Variants in CYTH4 observed in about 807,000 individuals in gnomAD.
The protein encoded by CYTH4 is cytohesin 4, also known as cytohesin-4.
CYTH4 carries 22 observed loss-of-function variants against 57.5 expected under a neutral mutation model. That is an observed-to-expected ratio of 0.38 (90% CI 0.27 to 0.55). CYTH4 has a LOEUF of 0.55. CYTH4 is among the 20% of genes least tolerant of loss of function. The probability of loss-of-function intolerance (pLI) is 0.74; values close to 1 mark genes in which losing one functional copy is unlikely to be tolerated. For synonymous variants in CYTH4, 186 were observed against 206.5 expected, an observed-to-expected ratio of 0.90 and a Z score of 0.85; for missense variants, 420 against 535.6, an observed-to-expected ratio of 0.78 and a Z score of 2.13.
chr22:37,286,279 G>T (rs950569999), intron 1 of CYTH4, among the ~76,000 whole-genome samples: 1 of 152,230 alleles, frequency 6.6e-6, no homozygotes, highest in African/African-American at 2.4e-5. Flanking sequence ...GATGGACCCA[G>T]ATGTGAATCC....
chr22:37,292,511 G>C (rs1165986585), intron 1 of CYTH4, 110 bp from the exon 2 acceptor site: 4 of 1,113,174 alleles, frequency 3.6e-6, no homozygotes, highest in Non-Finnish European at 5.3e-6. Flanking sequence ...GTGGGCCTCT[G>C]TGAATAGGGC....
At chr22:37,300,106 G>A (rs1249562652) in intron 6 of CYTH4, 1 of 717,558 alleles carries the variant, frequency 1.4e-6, no homozygotes, top group African/African-American at 1.7e-5. Context: ...TTTAAAACTG[G>A]TCCACAGTGA....
chr22:37,282,958 G>A (rs544534307), intron 1 of CYTH4, among the ~76,000 whole-genome samples: 1 of 152,322 alleles, frequency 6.6e-6, no homozygotes, highest in African/African-American at 2.4e-5. Flanking sequence ...GTCTGATGAG[G>A]GACCTGAGGA....
Position 37,313,598 on chromosome 22 carries a change from C to A in CYTH4, c.*87C>A. ...GAGACCCACCTCCCACCCCAGTGCA[C>A]TCTTTTGGGCCACAGACATCATTGC... is the stretch of plus-strand genomic sequence containing the variant. On this transcript the variant is annotated 3_prime_UTR_variant, in exon 13 of 13. Coordinates refer to ENST00000248901, the MANE Select transcript of CYTH4 (RefSeq NM_013385.5). The A allele has an allele frequency of 8.4e-7, 1 of 1,195,012 alleles. No homozygotes were observed. 74.0% of individuals were successfully genotyped at this position (1,195,012 alleles called of 1,614,324 possible). A position where few individuals can be genotyped will look rare whatever the true frequency, so the allele number is the denominator to read the frequency against.
intron 8 of CYTH4, chr22:37,304,283 C>A (rs1226893709): frequency 2.2e-6 from 1 of 456,352 alleles, no homozygotes; most frequent in Non-Finnish European, 4.4e-6. Context: ...CCAGTGTGGC[C>A]GAGGTGTGGT....
intron 1 of CYTH4, 39 bp from the exon 2 acceptor site, chr22:37,292,582 G>A (rs1382850308): frequency 2.5e-6 from 4 of 1,606,632 alleles, no homozygotes; most frequent in Non-Finnish European, 3.4e-6. Context: ...GGGTGTGGCT[G>A]GAGCCAAGTG....
intron 8 of CYTH4, among the ~76,000 whole-genome samples, chr22:37,308,248 C>T (rs1189486717): frequency 2.6e-5 from 4 of 152,244 alleles, no homozygotes; most frequent in Admixed American, 2.6e-4. Flanking sequence ...GACCCTCCTC[C>T]CATGGCTTTT....
Position 37,311,170 on chromosome 22 carries a change from G to T in CYTH4, c.885+106G>T. 1.6e-6 allele frequency: 2 copies of T among 1,282,268 alleles called. No individual in the cohort carries two copies. Among genetic ancestry groups the T allele is most frequent in the Non-Finnish European group, 1.1e-6 (1 of 889,606 alleles). The allele number at this position is 1,282,268 out of a possible 1,614,324, so 79.4% of individuals were successfully genotyped here. A position where few individuals can be genotyped will look rare whatever the true frequency, so the allele number is the denominator to read the frequency against. The stretch of plus-strand genomic sequence containing the variant: ...ACTCACACAGCTTTGGATCCTTTGA[G>T]ATCATTCAGTCCCCCTCCATGCCCA... On this transcript the variant is annotated intron_variant, in intron 10 of 12. Transcript: ENST00000248901. This position sits in a 1 kb window ranked among gnomAD's most constrained non-coding sequence, Gnocchi z 4.4.
In CYTH4 at chr22:37,313,516, C is replaced by T. The variant is rs1222214016; in HGVS notation, c.*5C>T. ...AAGATTGCCAGCAAGCAGTGAGATT[C>T]CTGGAGGTGGCACTGGGGGCTGGTC... On this transcript the variant is annotated 3_prime_UTR_variant, in exon 13 of 13. Transcript: ENST00000248901. 2 of 1,613,984 alleles carry T rather than the reference C, an allele frequency of 1.2e-6. No homozygotes were observed. Among genetic ancestry groups the T allele is most frequent in the Non-Finnish European group, 1.7e-6 (2 of 1,179,926 alleles).
chr22:37,301,098 G>A, intron 7 of CYTH4, 79 bp downstream of exon 7: 1 of 1,288,862 alleles, frequency 7.8e-7, no homozygotes, highest in Non-Finnish European at 1.1e-6. Flanking sequence ...ACCCCCTCAG[G>A]TTTCCCCCAG....
chr22:37,312,076 G>T lies in CYTH4; in HGVS notation c.1014G>T (p.Lys338Asn). ...GAGGCCAGAAAATCAAGGCCTGCAA[G>T]ACCGATGGCGACGGCAGGGTGGTGG... The part of the protein sequence containing the change: ...SCRGQKIKAC[K>N]TDGDGRVVEG... The change falls in exon 12 of 13, where the codon AAG (lysine) becomes AAT (asparagine). Residue 338 changes from lysine (K) to asparagine (N), a missense_variant. Physicochemically the swap from Lys to Asn is moderately conservative, Grantham distance 94. Transcript: ENST00000248901. 6.2e-7 allele frequency: 1 copy of T among 1,614,176 alleles called. No homozygotes were observed. The highest frequency in any genetic ancestry group is 8.5e-7 in the Non-Finnish European group (1 of 1,180,024).
At chr22:37,307,320 A>AC in intron 8 of CYTH4, among the ~76,000 whole-genome samples, 1 of 152,024 alleles carries the variant, frequency 6.6e-6, no homozygotes, top group African/African-American at 2.4e-5. Flanking sequence ...GGCAGTGAAG[A>AC]CCCCCGTCTG....
chr22:37,306,327 C>T (rs757812218), intron 8 of CYTH4, among the ~76,000 whole-genome samples: 2 of 152,226 alleles, frequency 1.3e-5, no homozygotes, highest in South Asian at 2.1e-4. Context: ...GGCAGCCCTG[C>T]ACCTCCTGGG....
intron 8 of CYTH4, chr22:37,304,285 A>C: frequency 2.2e-6 from 1 of 456,540 alleles, no homozygotes; most frequent in Non-Finnish European, 4.4e-6. Flanking sequence ...AGTGTGGCCG[A>C]GGTGTGGTAT....
At chr22:37,293,808 C>T (rs1928836171) in intron 2 of CYTH4, among the ~76,000 whole-genome samples, 1 of 152,076 alleles carries the variant, frequency 6.6e-6, no homozygotes, top group Non-Finnish European at 1.5e-5. Flanking sequence ...GTGCCTCCTG[C>T]AGGGTCAAGA....
At chr22:37,308,412 G>A (rs2145869201) in intron 8 of CYTH4, among the ~76,000 whole-genome samples, 1 of 152,064 alleles carries the variant, frequency 6.6e-6, no homozygotes, top group South Asian at 2.1e-4. Flanking sequence ...ATGTATAAGA[G>A]TGCATGTATA....
rs117837844 is a variant in CYTH4 at position 37,312,402 on chromosome 22, G to A, written c.1112+228G>A. 4.4e-4 allele frequency among the ~76,000 whole-genome samples: 67 copies of A among 152,278 alleles called. No homozygotes were observed. The East Asian group carries it at 0.013, about 29-fold the overall frequency. ...AGAGACCACCTGCATGGGGTTGGTG[G>A]GAGAATAGAGCAAAGAGTTGCACAT... On this transcript the variant is annotated intron_variant, in intron 12 of 12. Coordinates refer to ENST00000248901, the MANE Select transcript of CYTH4 (RefSeq NM_013385.5).
chr22:37,313,705 C>A lies in CYTH4; in HGVS notation c.*194C>A. On this transcript the variant is annotated 3_prime_UTR_variant, in exon 13 of 13. Transcript: ENST00000248901. ...GTGGGAGCTGCAGTGGGCTCAGAGTCCAGCAATGAGGCCCCCTGGCCTGGG... is the reference window on the plus strand; with the variant it reads ...GTGGGAGCTGCAGTGGGCTCAGAGTACAGCAATGAGGCCCCCTGGCCTGGG... The A allele has an allele frequency of 1.6e-6, 1 of 608,620 alleles. No homozygotes were observed. Among genetic ancestry groups the A allele is most frequent in the Non-Finnish European group, 2.9e-6 (1 of 345,444 alleles). 37.7% of individuals were successfully genotyped at this position (608,620 alleles called of 1,614,324 possible).
intron 1 of CYTH4, among the ~76,000 whole-genome samples, chr22:37,288,716 G>C (rs1402917273): frequency 1.3e-5 from 2 of 152,224 alleles, no homozygotes; most frequent in Non-Finnish European, 2.9e-5. Context: ...AGTGGTGGTA[G>C]ATTTAGGGCA....
Sources: allele counts gnomAD v4.1 joint callset (sites outside exome capture counted in the v4.1 genomes callset), GRCh38; gene constraint gnomAD v4.1.1; non-coding constraint Gnocchi (gnomAD v3.1); transcripts MANE v1.5; gene names NCBI Gene and HGNC (gene_info 2026-07-23, HGNC 2026-07-21).